The following COMMD1 variants were observed in gnomAD, a reference collection of about 807,000 sequenced individuals.
COMMD1 encodes the protein COMM domain-containing protein 1.
In COMMD1, 10 loss-of-function variants were observed where a neutral mutation model predicts 17.2. The ratio of observed to expected loss-of-function variants is 0.58; its 90% confidence interval spans 0.36 to 0.99. The LOEUF is 0.99. COMMD1 is among the 50% of genes least tolerant of loss of function. COMMD1 has a pLI of 0.01. For synonymous variants in COMMD1, 97 were observed against 91.6 expected, an observed-to-expected ratio of 1.06 and a Z score of -0.34; for missense variants, 270 against 231.8, an observed-to-expected ratio of 1.17 and a Z score of -1.07.
intron 2 of COMMD1, among the ~76,000 whole-genome samples, chr2:62,089,558 C>T (rs1671766960): frequency 6.6e-6 from 1 of 152,194 alleles, no homozygotes; most frequent in Non-Finnish European, 1.5e-5. Context: ...GCTGGGATTA[C>T]AGGCATGAGC....
At chr2:62,011,898 G>A (rs927854659) in intron 2 of COMMD1, among the ~76,000 whole-genome samples, 1 of 152,114 alleles carries the variant, frequency 6.6e-6, no homozygotes, top group Non-Finnish European at 1.5e-5. Context: ...CAACAAAAAA[G>A]TTGATACAGG....
intron 2 of COMMD1, among the ~76,000 whole-genome samples, chr2:62,129,797 T>C (rs1672975333): frequency 6.6e-6 from 1 of 152,046 alleles, no homozygotes; most frequent in Non-Finnish European, 1.5e-5. Context: ...AGTTGCAGAG[T>C]TGTGGGTCAA....
At chr2:62,040,005 C>T (rs1038031779) in intron 2 of COMMD1, among the ~76,000 whole-genome samples, 14 of 152,174 alleles carry the variant, frequency 9.2e-5, no homozygotes, top group Admixed American at 3.9e-4. Context: ...CCTGTAATCC[C>T]AGCACTTTGG....
At chr2:62,078,239 C>CAAAAAA (rs56320690) in intron 2 of COMMD1, among the ~76,000 whole-genome samples, 1 of 19,848 alleles carries the variant, frequency 5.0e-5, no homozygotes, top group African/African-American at 1.6e-4. Context: ...CACACCAATG[C>CAAAAAA]AAAAAAAAAA....
chr2:62,126,243 T>C (rs1320638642), intron 2 of COMMD1, among the ~76,000 whole-genome samples: 1 of 152,238 alleles, frequency 6.6e-6, no homozygotes, highest in Non-Finnish European at 1.5e-5. Context: ...TATGTGCATG[T>C]ATCTTTTTAA....
chr2:62,066,141 T>C (rs1032224989), intron 2 of COMMD1, among the ~76,000 whole-genome samples: 1 of 152,182 alleles, frequency 6.6e-6, no homozygotes, highest in Admixed American at 6.5e-5. Context: ...AAAGATAAAA[T>C]TGGAGAGAGG....
rs1397354674 is a variant in COMMD1 at position 62,095,805 on chromosome 2, T to C, written c.463-40026T>C. On this transcript the variant is annotated intron_variant, in intron 2 of 2. Transcript: ENST00000311832. ...TGTTGTGTAGTCAAGTTTCACAGCA[T>C]GCATATATATATATATGCATATCAG... Among the ~76,000 whole-genome samples, 5 of 129,570 alleles carry C rather than the reference T, an allele frequency of 3.9e-5. No homozygotes were observed. The South Asian group carries it at 1.1e-3, about 29-fold the overall frequency. 85.0% of individuals were successfully genotyped at this position (129,570 alleles called of 152,430 possible).
At chr2:61,969,097 T>A in intron 1 of COMMD1, 1 of 410,530 alleles carries the variant, frequency 2.4e-6, no homozygotes, top group Non-Finnish European at 4.9e-6. Flanking sequence ...CAGCTGGGAC[T>A]ACAGGTGCAC....
At chr2:62,079,750 C>A (rs1236281824) in intron 2 of COMMD1, 1 of 152,108 alleles carries the variant, frequency 6.6e-6, no homozygotes, top group African/African-American at 2.4e-5. Flanking sequence ...AGACTTTATT[C>A]CTGGAGACAT....
intron 1 of COMMD1, among the ~76,000 whole-genome samples, chr2:61,917,284 G>C (rs1443880086): frequency 6.6e-6 from 1 of 151,806 alleles, no homozygotes; most frequent in African/African-American, 2.4e-5. Context: ...TTGAACCCGG[G>C]AGGCGGAGGT....
rs1208868060 is a variant in COMMD1 at position 62,003,085 on chromosome 2, T to C, written c.462+2103T>C. On this transcript the variant is annotated intron_variant, in intron 2 of 2. Coordinates refer to ENST00000311832, the MANE Select transcript of COMMD1 (RefSeq NM_152516.4). ...CCATCTCTACTAAAAATACAAAAAT[T>C]AGCTGGGCATGGTGGCAGGCACCTG... Among the ~76,000 whole-genome samples, 3 of 151,362 alleles carry C rather than the reference T, an allele frequency of 2.0e-5. No individual in the cohort carries two copies. The East Asian group carries it at 5.9e-4, about 30-fold the overall frequency.
chr2:62,000,873 G>T lies in COMMD1; in HGVS notation c.353G>T (p.Gly118Val). 6.2e-7 allele frequency: 1 copy of T among 1,614,156 alleles called. No homozygotes were observed. The highest frequency in any genetic ancestry group is 8.5e-7 in the Non-Finnish European group (1 of 1,180,034). ...ATGAACCAGAGCCGCTGGAATAGCG[G>T]GCTTCGGGGCCTGAGCTGGAGAGTT... ...SLMNQSRWNS[G>V]LRGLSWRVDG... Residue 118 changes from glycine to valine, a missense_variant, in exon 2 of 3, where the codon GGG (glycine) becomes GTG (valine). Physicochemically the swap from Gly to Val is moderately radical, Grantham distance 109 (BLOSUM62 -3). Transcript: ENST00000311832.
intron 2 of COMMD1, chr2:62,118,423 C>T (rs1672659493): frequency 6.6e-6 from 1 of 152,216 alleles, no homozygotes; most frequent in African/African-American, 2.4e-5. Flanking sequence ...CTCCTATCTT[C>T]CTGTCTGTCT....
chr2:62,030,362 G>A (rs967072046), intron 2 of COMMD1, among the ~76,000 whole-genome samples: 2 of 152,180 alleles, frequency 1.3e-5, no homozygotes, highest in African/African-American at 2.4e-5. Flanking sequence ...TAAGAGACAG[G>A]AGAGCAGAAG....
intron 1 of COMMD1, among the ~76,000 whole-genome samples, chr2:61,914,356 T>C (rs1466006783): frequency 6.6e-6 from 1 of 152,150 alleles, no homozygotes; most frequent in South Asian, 2.1e-4. Context: ...CTGGCCAGCA[T>C]AGTGAAACCT....
intron 1 of COMMD1, chr2:61,915,794 C>A: frequency 2.7e-6 from 1 of 371,314 alleles, no homozygotes; most frequent in Non-Finnish European, 5.2e-6. Flanking sequence ...CCACGCTTGG[C>A]CTTTTATAGC....
chr2:62,038,354 T>C (rs1188622216), intron 2 of COMMD1, among the ~76,000 whole-genome samples: 1 of 152,052 alleles, frequency 6.6e-6, no homozygotes. Context: ...CAAAATGTAT[T>C]AAGTAATGAA....
chr2:62,040,885 ACTTT>A (rs1198254493), intron 2 of COMMD1, among the ~76,000 whole-genome samples: 1 of 152,062 alleles, frequency 6.6e-6, no homozygotes, highest in Non-Finnish European at 1.5e-5. Context: ...TAGTTTTTGT[ACTTT>A]TAGTAGAGAT....
intron 2 of COMMD1, among the ~76,000 whole-genome samples, chr2:62,109,920 T>A: frequency 1.9e-5 from 1 of 53,914 alleles, no homozygotes; most frequent in Non-Finnish European, 3.6e-5. Context: ...TATCTTGATC[T>A]TTTTTTTTTT....
Sources: gnomAD v4.1 joint callset for allele counts (sites outside exome capture counted in the v4.1 genomes callset) on GRCh38, gnomAD v4.1.1 for gene constraint, MANE v1.5 for transcripts, NCBI Gene and HGNC (gene_info 2026-07-23, HGNC 2026-07-21) for gene names.